The following WT1 variants were observed in gnomAD, a reference collection of about 807,000 sequenced individuals.
WT1 encodes the protein WT1 transcription factor, also known as Wilms tumor protein.
WT1 carries 8 observed loss-of-function variants against 60.8 expected under a neutral mutation model. The observed-to-expected ratio is 0.13, with a 90% CI of 0.08 to 0.24. WT1 has a LOEUF of 0.24. Ranked by LOEUF, WT1 falls within the 10% of genes least tolerant of loss-of-function variation. The pLI is 1.00. For synonymous variants in WT1, 312 were observed against 297.1 expected (o/e 1.05, Z -0.52); for missense variants, 568 against 711.8 (o/e 0.80, Z 2.30).
chr11:32,424,999 G>A (rs527973728), intron 3 of WT1, among the ~76,000 whole-genome samples: 33 of 152,210 alleles, frequency 2.2e-4, no homozygotes, highest in Admixed American at 1.1e-3. Flanking sequence ...CCAACATGGT[G>A]AAACCCCGTC....
chr11:32,392,586 T>C (rs1851849313), intron 8 of WT1, 80 bp downstream of exon 8: 15 of 1,385,864 alleles, frequency 1.1e-5, no homozygotes, highest in Non-Finnish European at 1.4e-5. Flanking sequence ...CTCATTCATA[T>C]TCAACAACAA....
chr11:32,415,260 G>A (rs551935008), intron 5 of WT1, among the ~76,000 whole-genome samples: 1 of 152,182 alleles, frequency 6.6e-6, no homozygotes, highest in Non-Finnish European at 1.5e-5. Context: ...CTTGGGGAAG[G>A]TTATCAAGTT....
chr11:32,402,049 G>A (rs532019825), intron 5 of WT1, among the ~76,000 whole-genome samples: 6 of 152,284 alleles, frequency 3.9e-5, no homozygotes, highest in African/African-American at 2.4e-5. Flanking sequence ...AGGAGAGAGT[G>A]CCTGAAGGAA....
At chr11:32,397,394 C>A (rs1462892150) in intron 6 of WT1, among the ~76,000 whole-genome samples, 6 of 152,110 alleles carry the variant, frequency 3.9e-5, no homozygotes, top group Non-Finnish European at 8.8e-5. Flanking sequence ...GGGGCTCCTG[C>A]AGCCTCGACC....
At chr11:32,407,217 G>A (rs1434367797) in intron 5 of WT1, among the ~76,000 whole-genome samples, 1 of 151,978 alleles carries the variant, frequency 6.6e-6, no homozygotes, top group Non-Finnish European at 1.5e-5. Context: ...CTAAAAACAC[G>A]TACATTGAGA....
intron 5 of WT1, among the ~76,000 whole-genome samples, chr11:32,404,731 C>G (rs1852258196): frequency 6.6e-6 from 1 of 152,180 alleles, no homozygotes. Flanking sequence ...CAATGAAGAG[C>G]CACAATATTA....
chr11:32,419,733 G>T (rs774864502), intron 3 of WT1, among the ~76,000 whole-genome samples: 29 of 152,176 alleles, frequency 1.9e-4, no homozygotes, highest in Non-Finnish European at 3.7e-4. Context: ...TCACTCTGTC[G>T]CCCAGGTTAG....
chr11:32,400,008 C>T lies in WT1; in HGVS notation c.1053G>A (p.Thr351=), dbSNP rs1260693060. Residue 351 remains threonine, a synonymous_variant, in exon 6 of 10, where the codon ACG becomes ACA. Coordinates refer to ENST00000452863, the MANE Select transcript of WT1 (RefSeq NM_024426.6). ...TGTATTGGGCTCCGCAGAGGATGGG[C>T]GTTGTGTGGTTATCGCTCTCGTACC... 1.1e-5 allele frequency: 17 copies of T among 1,614,050 alleles called. No homozygotes were observed. Among genetic ancestry groups the T allele is most frequent in the African/African-American group, 1.3e-5 (1 of 74,920 alleles).
chr11:32,411,882 A>AC (rs1471086596), intron 5 of WT1, among the ~76,000 whole-genome samples: 1 of 151,402 alleles, frequency 6.6e-6, no homozygotes, highest in Non-Finnish European at 1.5e-5. Context: ...GCAATAATAA[A>AC]GAAAAAAAAC....
intron 5 of WT1, among the ~76,000 whole-genome samples, chr11:32,410,997 G>C (rs1852480413): frequency 6.6e-6 from 1 of 151,694 alleles, no homozygotes; most frequent in Non-Finnish European, 1.5e-5. Context: ...TCAGGGATAG[G>C]AGAAGTCCAA....
chr11:32,432,238 G>T (rs763649948), intron 1 of WT1, among the ~76,000 whole-genome samples: 1 of 152,236 alleles, frequency 6.6e-6, no homozygotes, highest in Admixed American at 6.5e-5. Flanking sequence ...GGGATCCAGA[G>T]ACGGCCTTGA....
In WT1 at chr11:32,430,460, GAGAGA is replaced by G; in HGVS notation, c.662-1846_662-1842del. The G allele has an allele frequency of 6.3e-5, 40 of 631,144 alleles. No individual in the cohort carries two copies. The African/African-American group carries it at 7.1e-4, about 11-fold the overall frequency. 39.1% of individuals were successfully genotyped at this position (631,144 alleles called of 1,614,324 possible). A position where few individuals can be genotyped will look rare whatever the true frequency, so the allele number is the denominator to read the frequency against. On this transcript the variant is annotated intron_variant, in intron 1 of 9. Transcript: ENST00000452863. The stretch of plus-strand genomic sequence containing the variant: ...AGAGAGAGAGAGAGAGGGAGGGAGA[GAGAGA>G]GAGAGAGAGAGAGAGAGAGAGAGAG...
intron 3 of WT1, among the ~76,000 whole-genome samples, chr11:32,422,926 T>A (rs907032319): frequency 2.0e-5 from 3 of 152,108 alleles, no homozygotes; most frequent in Admixed American, 1.3e-4. Context: ...AAAGAAACAA[T>A]CAGTGTGCAT....
intron 5 of WT1, among the ~76,000 whole-genome samples, chr11:32,414,389 C>T (rs978291295): frequency 7.2e-5 from 11 of 152,204 alleles, no homozygotes; most frequent in African/African-American, 2.7e-4. Context: ...CCGCCCACCT[C>T]AGCATTCCAA....
rs554416372 is a variant in WT1, at chr11:32,396,397, C to T, written c.1124G>A (p.Arg375His). 59 of 1,613,970 alleles carry T rather than the reference C, an allele frequency of 3.7e-5. No individual in the cohort carries two copies. Among genetic ancestry groups the T allele is most frequent in the Middle Eastern group, 3.3e-4 (2 of 6,014 alleles). The change falls in exon 7 of 10, where the codon CGT (arginine) becomes CAT (histidine). Residue 375 changes from arginine to histidine, a missense_variant. By Grantham distance (29) the Arg-to-His change is conservative (BLOSUM62 0). Coordinates refer to ENST00000452863, the MANE Select transcript of WT1 (RefSeq NM_024426.6). The stretch of plus-strand genomic sequence containing the variant: ...AAGAGTCGGGGCTACTCCAGGCACA[C>T]GTCGCACATCCTGCAGGCAGAGAGT...
chr11:32,406,725 G>T (rs893505226), intron 5 of WT1, among the ~76,000 whole-genome samples: 1 of 152,168 alleles, frequency 6.6e-6, no homozygotes, highest in East Asian at 1.9e-4. Flanking sequence ...CAGTGGCCTG[G>T]ACTGTACATT....
At chr11:32,404,268 CAA>C (rs61611336) in intron 5 of WT1, among the ~76,000 whole-genome samples, 29,234 of 89,090 alleles carry the variant, frequency 0.33, 3,422 homozygotes, top group East Asian at 0.66. Flanking sequence ...GACTCTGTCT[CAA>C]AAAAAAAAAA....
At chr11:32,430,512 A>G in intron 1 of WT1, 2 of 1,589,114 alleles carry the variant, frequency 1.3e-6, no homozygotes, top group Non-Finnish European at 1.7e-6. Flanking sequence ...GCTACGAAGA[A>G]GTTTTCTCTA....
intron 1 of WT1, among the ~76,000 whole-genome samples, chr11:32,431,367 G>A (rs2133089673): frequency 6.6e-6 from 1 of 152,118 alleles, no homozygotes; most frequent in Admixed American, 6.5e-5. Context: ...ATGATCCCAG[G>A]CCTAATCATG....
Sources: gnomAD v4.1 joint callset for allele counts (sites outside exome capture counted in the v4.1 genomes callset) on GRCh38, gnomAD v4.1.1 for gene constraint, MANE v1.5 for transcripts, NCBI Gene and HGNC (gene_info 2026-07-23, HGNC 2026-07-21) for gene names.